AADAT: variants seen among roughly 807,000 people sequenced by gnomAD.
The protein encoded by AADAT is kynurenine/alpha-aminoadipate aminotransferase, mitochondrial.
Under a neutral mutation model 56.2 loss-of-function variants are expected in AADAT, and 25 were observed. The observed-to-expected ratio is 0.44, with a 90% CI of 0.32 to 0.62. The LOEUF (loss-of-function observed/expected upper bound fraction) is 0.62, where lower values mean the gene tolerates loss of function less well. Among genes scored for constraint, AADAT ranks in the 20% least tolerant of loss-of-function variants. The pLI is 0.04. For synonymous variants in AADAT, 173 were observed against 164.7 expected (o/e 1.05, Z -0.39); for missense variants, 387 against 510.5 (o/e 0.76, Z 2.33).
chr4:170,093,348 C>G (rs913349045), upstream of AADAT, among the ~76,000 whole-genome samples: 2 of 151,952 alleles, frequency 1.3e-5, no homozygotes, highest in South Asian at 4.1e-4. Context: ...GAGCATTTTT[C>G]GAACCCGGGA....
intron 4 of AADAT, 74 bp from the exon 5 acceptor site, chr4:170,073,419 T>C: frequency 7.5e-7 from 1 of 1,334,302 alleles, no homozygotes; most frequent in Non-Finnish European, 1.0e-6. Context: ...TTTTTTTCTT[T>C]CTAACTAAGA....
chr4:170,068,531 A>AT, intron 8 of AADAT, 60 bp downstream of exon 8: 3 of 1,332,160 alleles, frequency 2.3e-6, no homozygotes, highest in Admixed American at 2.3e-5. Flanking sequence ...ACCATCTATT[A>AT]TTTTTTTAAA....
At chr4:170,073,400 T>C (rs1367529555) in intron 4 of AADAT, 55 bp from the exon 5 acceptor site, 16 of 1,438,898 alleles carry the variant, frequency 1.1e-5, no homozygotes, top group African/African-American at 2.0e-5. Context: ...GTAAGTGCTA[T>C]TGGTTTTTTT....
At position 170,089,831 on chromosome 4, in the gene AADAT, C is replaced by T; in HGVS notation, c.-141G>A. ...TGTGTCCCCCCGCTGCGTCTGGCTTCCCGCGCGCGGTGCCCGGAGAACGCC... is the reference window on the plus strand; with the variant it reads ...TGTGTCCCCCCGCTGCGTCTGGCTTTCCGCGCGCGGTGCCCGGAGAACGCC... On this transcript the variant is annotated 5_prime_UTR_variant, in exon 1 of 13. Coordinates refer to ENST00000337664, the MANE Select transcript of AADAT (RefSeq NM_016228.4). The T allele has an allele frequency of 2.4e-6, 2 of 839,828 alleles. No homozygotes were observed. The highest frequency in any genetic ancestry group is 1.6e-5 in the South Asian group (1 of 61,560). The allele number at this position is 839,828 out of a possible 1,614,324, so 52.0% of individuals were successfully genotyped here. A position where few individuals can be genotyped will look rare whatever the true frequency, so the allele number is the denominator to read the frequency against.
intron 8 of AADAT, 88 bp from the exon 9 acceptor site, chr4:170,067,476 A>T: frequency 1.0e-6 from 1 of 964,196 alleles, no homozygotes; most frequent in Non-Finnish European, 1.6e-6. Context: ...TTTTGATTAC[A>T]TGTAAACCAC....
At chr4:170,072,579 T>C (rs74702592) in intron 5 of AADAT, among the ~76,000 whole-genome samples, 6,114 of 152,280 alleles carry the variant, frequency 0.04, 138 homozygotes, top group Middle Eastern at 0.078. Flanking sequence ...TAGTGAAAGG[T>C]TGGGGACACA....
At chr4:170,073,767 A>G (rs148450203) in intron 4 of AADAT, among the ~76,000 whole-genome samples, 3,877 of 152,184 alleles carry the variant, frequency 0.025, 73 homozygotes, top group South Asian at 0.05. Context: ...CCAAAGTGCT[A>G]GGATTACAGC....
At chr4:170,093,086 A>G (rs1732916921), upstream of AADAT, among the ~76,000 whole-genome samples, 1 of 151,818 alleles carries the variant, frequency 6.6e-6, no homozygotes, top group Non-Finnish European at 1.5e-5. Context: ...CTTTTTTTTG[A>G]TAGGGGAGGA....
chr4:170,063,484 GATTT>G (rs1731297090), intron 11 of AADAT, among the ~76,000 whole-genome samples: 1 of 152,176 alleles, frequency 6.6e-6, no homozygotes, highest in Non-Finnish European at 1.5e-5. Context: ...GTATCAAATT[GATTT>G]ATTATACTAC....
intron 9 of AADAT, among the ~76,000 whole-genome samples, chr4:170,066,854 C>T (rs2111151881): frequency 6.6e-6 from 1 of 152,204 alleles, no homozygotes; most frequent in Admixed American, 6.5e-5. Flanking sequence ...ATACCCCATT[C>T]CTCCTTATTT....
chr4:170,092,720 T>G (rs1732904251), upstream of AADAT, among the ~76,000 whole-genome samples: 1 of 152,258 alleles, frequency 6.6e-6, no homozygotes, highest in South Asian at 2.1e-4. Flanking sequence ...GTATTGGTTT[T>G]CTCGCAGGCA....
intron 3 of AADAT, among the ~76,000 whole-genome samples, chr4:170,082,630 C>T (rs535177404): frequency 2.0e-5 from 3 of 152,150 alleles, no homozygotes; most frequent in African/African-American, 7.2e-5. Context: ...CATTAAAAGG[C>T]ATGGAGTGGC....
chr4:170,062,087 T>G, intron 11 of AADAT, 94 bp from the exon 12 acceptor site: 1 of 763,606 alleles, frequency 1.3e-6, no homozygotes, highest in South Asian at 2.4e-5. Context: ...GAAGGATGTT[T>G]TAAGTTTAAA....
chr4:170,089,607 G>C lies in AADAT; in HGVS notation c.67+17C>G. On this transcript the variant is annotated intron_variant, in intron 1 of 12. Transcript: ENST00000337664. ...AATGCCCCACCCCAAAGGAGAGATG[G>C]TCACCCCGTTTCTCACTCATGGTCC... 6.2e-7 allele frequency: 1 copy of C among 1,614,082 alleles called. No individual in the cohort carries two copies. The highest frequency in any genetic ancestry group is 8.5e-7 in the Non-Finnish European group (1 of 1,179,984).
intron 4 of AADAT, among the ~76,000 whole-genome samples, chr4:170,076,658 C>A (rs912236748): frequency 6.6e-6 from 1 of 152,162 alleles, no homozygotes; most frequent in Admixed American, 6.5e-5. Context: ...TTTTCTCCCA[C>A]TGTATAGACT....
intron 10 of AADAT, among the ~76,000 whole-genome samples, chr4:170,065,675 A>G (rs997136062): frequency 6.6e-6 from 1 of 151,890 alleles, no homozygotes; most frequent in Admixed American, 6.6e-5. Flanking sequence ...TAATTTTTAT[A>G]TTTTTAGTAG....
chr4:170,067,949 G>GC (rs1200206669), intron 8 of AADAT, among the ~76,000 whole-genome samples: 1 of 152,006 alleles, frequency 6.6e-6, no homozygotes, highest in Non-Finnish European at 1.5e-5. Context: ...GACCAGCCTG[G>GC]CTAACATGGT....
At chr4:170,086,932 C>T (rs188974820) in intron 3 of AADAT, among the ~76,000 whole-genome samples, 184 bp downstream of exon 3, 1 of 152,192 alleles carries the variant, frequency 6.6e-6, no homozygotes, top group East Asian at 1.9e-4. Flanking sequence ...CCATCCCCGG[C>T]CACAACTGCT....
At chr4:170,091,884 G>A (rs779481827), upstream of AADAT, among the ~76,000 whole-genome samples, 12 of 152,198 alleles carry the variant, frequency 7.9e-5, no homozygotes, top group Non-Finnish European at 1.2e-4. Context: ...TCAGCACTCT[G>A]TATCTAACTC....
Sources: gnomAD v4.1 joint callset for allele counts (sites outside exome capture counted in the v4.1 genomes callset) on GRCh38, gnomAD v4.1.1 for gene constraint, MANE v1.5 for transcripts, NCBI Gene and HGNC (gene_info 2026-07-23, HGNC 2026-07-21) for gene names.